Variants in PCDHA1 observed in about 807,000 individuals in gnomAD.
PCDHA1 encodes the protein protocadherin alpha 1.
PCDHA1 carries 42 observed loss-of-function variants against 61.3 expected under a neutral mutation model. The observed-to-expected ratio is 0.69, with a 90% confidence interval of 0.54 to 0.89. PCDHA1 has a LOEUF of 0.89. Ranked by LOEUF, PCDHA1 falls within the 40% of genes least tolerant of loss-of-function variation. PCDHA1 has a pLI of 0.00. For missense variants in PCDHA1, 1,256 were observed against 1,235.3 expected (o/e 1.02, Z -0.25); for synonymous variants, 610 against 553.8 (o/e 1.10, Z -1.43).
chr5:140,868,138 A>G (rs1436780455), intron 1 of PCDHA1: 7 of 152,142 alleles, frequency 4.6e-5, no homozygotes, highest in African/African-American at 1.4e-4. Context: ...CTGTCATATC[A>G]TTGATTCTGT....
chr5:140,823,689 G>T, intron 1 of PCDHA1: 4 of 1,613,998 alleles, frequency 2.5e-6, no homozygotes, highest in Non-Finnish European at 3.4e-6. Context: ...CTCTGGATGA[G>T]ACCGAAGCAC....
At chr5:140,945,206 A>G (rs148955371) in intron 1 of PCDHA1, among the ~76,000 whole-genome samples, 1 of 152,282 alleles carries the variant, frequency 6.6e-6, no homozygotes, top group East Asian at 1.9e-4. Context: ...TACAATAGCT[A>G]TGAGAAAATA....
intron 1 of PCDHA1, among the ~76,000 whole-genome samples, chr5:140,965,232 G>C (rs192008157): frequency 6.6e-5 from 10 of 152,194 alleles, no homozygotes; most frequent in Non-Finnish European, 1.0e-4. Context: ...GTGAGAACCT[G>C]GGAAGAGTGA....
intron 3 of PCDHA1, among the ~76,000 whole-genome samples, chr5:140,989,470 C>T (rs1365588787): frequency 6.6e-6 from 1 of 152,148 alleles, no homozygotes; most frequent in African/African-American, 2.4e-5. Context: ...TGGAACTCCT[C>T]CTGGGAGGTG....
At chr5:140,858,360 GC>G (rs1562537531) in intron 1 of PCDHA1, 1 of 1,592,532 alleles carries the variant, frequency 6.3e-7, no homozygotes. Context: ...ATGGCCTTCA[GC>G]CCCAGCCTTC....
chr5:140,815,194 T>C (rs1305192129), intron 1 of PCDHA1: 2 of 152,176 alleles, frequency 1.3e-5, no homozygotes, highest in African/African-American at 4.8e-5. Flanking sequence ...TTTAAAGTAA[T>C]TATTGATAGG....
At chr5:140,808,464 C>A in intron 1 of PCDHA1, 1 of 1,614,164 alleles carries the variant, frequency 6.2e-7, no homozygotes, top group Non-Finnish European at 8.5e-7. Context: ...CTGGTGGTGA[C>A]CGCGCGAGAC....
intron 1 of PCDHA1, among the ~76,000 whole-genome samples, chr5:140,934,631 G>A (rs2089960013): frequency 6.6e-6 from 1 of 151,984 alleles, no homozygotes; most frequent in African/African-American, 2.4e-5. Flanking sequence ...GTTCACACAG[G>A]AAAGGCAGGA....
At chr5:140,918,897 C>A (rs1381764249) in intron 1 of PCDHA1, among the ~76,000 whole-genome samples, 1 of 152,196 alleles carries the variant, frequency 6.6e-6, no homozygotes, top group Admixed American at 6.5e-5. Context: ...AAAAATAAAT[C>A]TCTCTTGTTT....
intron 1 of PCDHA1, chr5:140,808,283 G>T: frequency 6.2e-7 from 1 of 1,614,216 alleles, no homozygotes; most frequent in Non-Finnish European, 8.5e-7. Flanking sequence ...CGCTCCACTG[G>T]GTACAGTCAT....
At chr5:140,878,358 A>G (rs2057559820) in intron 1 of PCDHA1, among the ~76,000 whole-genome samples, 1 of 152,254 alleles carries the variant, frequency 6.6e-6, no homozygotes, top group Non-Finnish European at 1.5e-5. Context: ...TATAAATGAT[A>G]TGTCTGACAT....
At chr5:140,947,134 A>T in intron 1 of PCDHA1, among the ~76,000 whole-genome samples, 1 of 151,648 alleles carries the variant, frequency 6.6e-6, no homozygotes, top group Admixed American at 6.6e-5. Context: ...AAAAATAGTA[A>T]AATGTATAGT....
intron 1 of PCDHA1, among the ~76,000 whole-genome samples, chr5:140,840,126 A>G (rs1776573004): frequency 6.6e-6 from 1 of 152,062 alleles, no homozygotes; most frequent in African/African-American, 2.4e-5. Flanking sequence ...CTGTACTAAT[A>G]AGGACAGAAA....
At chr5:140,808,483 G>A (rs1412619146) in intron 1 of PCDHA1, 4 of 1,614,152 alleles carry the variant, frequency 2.5e-6, no homozygotes, top group Non-Finnish European at 3.4e-6. Flanking sequence ...ACGGGGGCTC[G>A]CCTTCGCTGT....
chr5:140,890,550 C>A (rs1162286556), intron 1 of PCDHA1, among the ~76,000 whole-genome samples: 1 of 151,958 alleles, frequency 6.6e-6, no homozygotes, highest in Admixed American at 6.6e-5. Context: ...TGACTGAGTA[C>A]TTTTTATTGT....
intron 1 of PCDHA1, chr5:140,860,707 T>G (rs914346962): frequency 6.6e-6 from 1 of 152,220 alleles, no homozygotes; most frequent in Non-Finnish European, 1.5e-5. Context: ...ATTGTTGTTC[T>G]CCATGAAAAG....
intron 1 of PCDHA1, among the ~76,000 whole-genome samples, chr5:140,950,490 C>A (rs2153689793): frequency 6.6e-6 from 1 of 152,114 alleles, no homozygotes; most frequent in South Asian, 2.1e-4. Context: ...AGTGTGTAGT[C>A]ATTTAAGTCA....
At position 141,011,045 on chromosome 5, in the gene PCDHA1, G is replaced by A. The variant is rs949707438; in HGVS notation, c.*1108G>A. 2 of 153,712 alleles carry A rather than the reference G, an allele frequency of 1.3e-5. No individual in the cohort carries two copies. Among genetic ancestry groups the A allele is most frequent in the African/African-American group, 4.8e-5 (2 of 41,422 alleles). The allele number at this position is 153,712 out of a possible 1,614,324, so 9.5% of individuals were successfully genotyped here. ...CAGCTTTACTCTTTCAGGTCACTCT[G>A]GGGCTGCCTCTTGCATGTATTACTA... On this transcript the variant is annotated 3_prime_UTR_variant, in exon 4 of 4. Coordinates refer to ENST00000504120, the MANE Select transcript of PCDHA1 (RefSeq NM_018900.4).
chr5:140,922,799 A>T (rs1188093750), intron 1 of PCDHA1, among the ~76,000 whole-genome samples: 1 of 152,264 alleles, frequency 6.6e-6, no homozygotes, highest in Non-Finnish European at 1.5e-5. Context: ...GCTTTGGAAT[A>T]CAGAAAAAGG....
Sources: allele counts gnomAD v4.1 joint callset (sites outside exome capture counted in the v4.1 genomes callset), GRCh38; gene constraint gnomAD v4.1.1; transcripts MANE v1.5; gene names NCBI Gene and HGNC (gene_info 2026-07-23, HGNC 2026-07-21).